GPC5: variants seen among roughly 807,000 people sequenced by gnomAD.
GPC5 encodes the protein glypican-5.
A neutral mutation model predicts 53.9 loss-of-function variants in GPC5; 47 were observed. The ratio of observed to expected loss-of-function variants is 0.87; its 90% CI spans 0.69 to 1.11. The LOEUF is 1.11. Among genes scored for constraint, GPC5 ranks in the 50% most tolerant of loss-of-function variants. The pLI is 0.00. For missense variants in GPC5, 748 were observed against 713.1 expected, an observed-to-expected ratio of 1.05 and a Z score of -0.56; for synonymous variants, 286 against 263.3, an observed-to-expected ratio of 1.09 and a Z score of -0.84.
intron 2 of GPC5, among the ~76,000 whole-genome samples, chr13:91,622,798 G>A (rs2033897020): frequency 6.6e-6 from 1 of 152,104 alleles, no homozygotes; most frequent in Non-Finnish European, 1.5e-5. Context: ...AGATTATGGA[G>A]AGAAAAGTCC....
At chr13:92,520,245 T>C (rs574429551) in intron 7 of GPC5, among the ~76,000 whole-genome samples, 71 of 151,926 alleles carry the variant, frequency 4.7e-4, no homozygotes, top group African/African-American at 1.6e-3. Flanking sequence ...TTCCAATCAG[T>C]AGGAAAAAAG....
chr13:92,358,997 G>A (rs932384128), intron 7 of GPC5, among the ~76,000 whole-genome samples: 1 of 151,720 alleles, frequency 6.6e-6, no homozygotes. Context: ...CTGAATGTGG[G>A]TTTTTCTTTT....
chr13:91,948,827 A>G (rs1259253996), intron 6 of GPC5, among the ~76,000 whole-genome samples: 2 of 150,338 alleles, frequency 1.3e-5, no homozygotes, highest in Non-Finnish European at 2.9e-5. Flanking sequence ...AAAGTAAATT[A>G]GCCATGCAAT....
At chr13:91,574,279 C>A (rs2032051588) in intron 2 of GPC5, among the ~76,000 whole-genome samples, 1 of 152,052 alleles carries the variant, frequency 6.6e-6, no homozygotes, top group Non-Finnish European at 1.5e-5. Flanking sequence ...CCACTTAAAC[C>A]AAAGACTTAA....
intron 7 of GPC5, among the ~76,000 whole-genome samples, chr13:92,803,231 A>G (rs866329530): frequency 6.6e-6 from 1 of 151,932 alleles, no homozygotes; most frequent in African/African-American, 2.4e-5. Flanking sequence ...ATACTTTTGA[A>G]TTTATTTTAA....
At chr13:91,473,562 T>C (rs1414203593) in intron 2 of GPC5, among the ~76,000 whole-genome samples, 1 of 152,178 alleles carries the variant, frequency 6.6e-6, no homozygotes, top group Non-Finnish European at 1.5e-5. Flanking sequence ...CAAATCTTCT[T>C]AGTTATGACA....
chr13:91,972,427 C>T (rs926780725), intron 6 of GPC5, among the ~76,000 whole-genome samples: 3 of 151,984 alleles, frequency 2.0e-5, no homozygotes, highest in Non-Finnish European at 4.4e-5. Flanking sequence ...TCCAATTTGC[C>T]AGTCTGTGTC....
chr13:91,399,121 G>A lies in GPC5; in HGVS notation c.75G>A (p.Glu25=). Residue 25 remains glutamate (E), a synonymous_variant, in exon 1 of 8, where the codon GAG becomes GAA. Transcript: ENST00000377067. ...CCCTGGTTGGGTCCGCCCGCAGCGA[G>A]GGCGTGCAGACCTGCGAAGAAGTTC... is the stretch of plus-strand genomic sequence containing the variant. ...LLALVGSARS[E]GVQTCEEVRK... 6.2e-7 allele frequency: 1 copy of A among 1,611,158 alleles called. No homozygotes were observed. The highest frequency in any genetic ancestry group is 2.2e-5 in the East Asian group (1 of 44,724).
chr13:92,322,203 A>G (rs1382539480), intron 7 of GPC5, among the ~76,000 whole-genome samples: 1 of 152,114 alleles, frequency 6.6e-6, no homozygotes, highest in Non-Finnish European at 1.5e-5. Flanking sequence ...GCATATAGTA[A>G]GTGCAGAGCT....
chr13:92,590,054 C>G lies in GPC5; in HGVS notation c.1562-276228C>G, dbSNP rs112105790. 7.9e-3 allele frequency among the ~76,000 whole-genome samples: 1,206 copies of G among 152,130 alleles called. 17 individuals are homozygous for G. Among genetic ancestry groups the G allele is most frequent in the African/African-American group, 0.028 (1,156 of 41,488 alleles). ...GGCAGTAGTGATGCAGTGTTTATAG[C>G]AAGAAGAGAGAGAGAATGCACAAGA... On this transcript the variant is annotated intron_variant, in intron 7 of 7. Coordinates refer to ENST00000377067, the MANE Select transcript of GPC5 (RefSeq NM_004466.6).
chr13:91,756,966 A>G (rs960311786), intron 5 of GPC5, among the ~76,000 whole-genome samples: 4 of 152,042 alleles, frequency 2.6e-5, no homozygotes, highest in Non-Finnish European at 5.9e-5. Context: ...ATATATATAT[A>G]TCTGTTTGAG....
intron 3 of GPC5, among the ~76,000 whole-genome samples, chr13:91,717,348 T>C (rs1050883459): frequency 6.6e-6 from 1 of 152,188 alleles, no homozygotes; most frequent in Non-Finnish European, 1.5e-5. Flanking sequence ...CAGAGCAGTT[T>C]GATCAGAACT....
At chr13:92,324,813 T>C (rs971214506) in intron 7 of GPC5, among the ~76,000 whole-genome samples, 1 of 151,924 alleles carries the variant, frequency 6.6e-6, no homozygotes, top group African/African-American at 2.4e-5. Context: ...CTGAAAATGC[T>C]ATCATAGATT....
intron 5 of GPC5, among the ~76,000 whole-genome samples, chr13:91,831,080 TATA>T (rs1366341357): frequency 2.1e-5 from 3 of 140,398 alleles, no homozygotes; most frequent in Non-Finnish European, 4.5e-5. Flanking sequence ...TATTATTATA[TATA>T]ATAATATATA....
intron 6 of GPC5, among the ~76,000 whole-genome samples, chr13:91,949,652 G>C (rs1275833873): frequency 6.6e-6 from 1 of 152,142 alleles, no homozygotes; most frequent in African/African-American, 2.4e-5. Context: ...GAAATGCTTA[G>C]CATAGCCATT....
chr13:92,680,172 C>G (rs920831972), intron 7 of GPC5, among the ~76,000 whole-genome samples: 4 of 152,136 alleles, frequency 2.6e-5, no homozygotes, highest in African/African-American at 9.7e-5. Context: ...GCAGAGCCAG[C>G]CTGAGAAATA....
At chr13:91,439,709 A>G (rs147278170) in intron 1 of GPC5, among the ~76,000 whole-genome samples, 292 of 152,010 alleles carry the variant, frequency 1.9e-3, no homozygotes, top group African/African-American at 6.7e-3. Context: ...CCCTCTCTCT[A>G]TCATCTGCCA....
At chr13:91,961,413 C>T (rs1198496557) in intron 6 of GPC5, among the ~76,000 whole-genome samples, 2 of 151,970 alleles carry the variant, frequency 1.3e-5, no homozygotes, top group East Asian at 3.9e-4. Context: ...TTGATTGATG[C>T]CCCAGGTGAC....
At chr13:92,312,989 G>T (rs942613503) in intron 7 of GPC5, among the ~76,000 whole-genome samples, 1 of 152,082 alleles carries the variant, frequency 6.6e-6, no homozygotes, top group Non-Finnish European at 1.5e-5. Flanking sequence ...CTTCTGGAAG[G>T]CTTATTAATG....
Sources: gnomAD v4.1 joint callset for allele counts (sites outside exome capture counted in the v4.1 genomes callset) on GRCh38, gnomAD v4.1.1 for gene constraint, MANE v1.5 for transcripts, NCBI Gene and HGNC (gene_info 2026-07-23, HGNC 2026-07-21) for gene names.